NRXN1: variants seen among roughly 807,000 people sequenced by gnomAD.
NRXN1 encodes neurexin-1.
Under a neutral mutation model 150.9 loss-of-function variants are expected in NRXN1, and 39 were observed. That is an observed-to-expected ratio of 0.26 (90% CI 0.20 to 0.34). The LOEUF (loss-of-function observed/expected upper bound fraction) is 0.34, where lower values mean the gene tolerates loss of function less well. Among genes scored for constraint, NRXN1 ranks in the 10% least tolerant of loss-of-function variants. NRXN1 has a pLI of 1.00. For synonymous variants in NRXN1, 924 were observed against 757.0 expected, an observed-to-expected ratio of 1.22 and a Z score of -3.62; for missense variants, 1,815 against 1,949.9, an observed-to-expected ratio of 0.93 and a Z score of 1.30.
chr2:49,988,208 T>C (rs948139249), intron 21 of NRXN1, among the ~76,000 whole-genome samples: 2 of 151,974 alleles, frequency 1.3e-5, no homozygotes, highest in African/African-American at 4.8e-5. Flanking sequence ...TTTCTTTGAC[T>C]CTTTGAAAAT....
intron 5 of NRXN1, among the ~76,000 whole-genome samples, chr2:50,778,877 T>A (rs904232100): frequency 1.3e-5 from 2 of 152,118 alleles, no homozygotes; most frequent in Non-Finnish European, 2.9e-5. Context: ...AATAAAACAT[T>A]TACTATACAT....
At chr2:50,538,114 G>A (rs1573454579) in intron 10 of NRXN1, 139 bp downstream of exon 10, 3 of 899,190 alleles carry the variant, frequency 3.3e-6, no homozygotes, top group East Asian at 2.6e-5. Context: ...ATCCATGTCA[G>A]GTATGGCTGC....
chr2:50,484,426 A>G (rs1253374663), intron 15 of NRXN1, among the ~76,000 whole-genome samples: 1 of 152,180 alleles, frequency 6.6e-6, no homozygotes, highest in African/African-American at 2.4e-5. Flanking sequence ...GGAGAAATGG[A>G]GATACTTAAA....
Position 50,531,285 on chromosome 2 carries a change from A to G in NRXN1, c.2289T>C (p.Ser763=), listed in dbSNP as rs772379511. The G allele has an allele frequency of 1.9e-6, 3 of 1,613,620 alleles. No homozygotes were observed. The highest frequency in any genetic ancestry group is 2.5e-6 in the Non-Finnish European group (3 of 1,179,726). Residue 763 remains serine, a synonymous_variant, in exon 11 of 23, where the codon TCT becomes TCC. Coordinates refer to ENST00000401669, the MANE Select transcript of NRXN1 (RefSeq NM_001330078.2). The part of the protein sequence containing the change: ...GILMATTSRD[S]ADTLRLELDA... Reference sequence around the variant, plus strand: ...CTAGCTCCAGGCGGAGGGTGTCAGCAGAGTCTCTAGAAGTGGTTGCCATCA... The same window carrying G: ...CTAGCTCCAGGCGGAGGGTGTCAGCGGAGTCTCTAGAAGTGGTTGCCATCA...
chr2:50,806,132 G>C (rs770168642), intron 5 of NRXN1, among the ~76,000 whole-genome samples: 1 of 152,106 alleles, frequency 6.6e-6, no homozygotes, highest in Non-Finnish European at 1.5e-5. Flanking sequence ...CACTGTAAAA[G>C]TACACTTTTT....
intron 21 of NRXN1, among the ~76,000 whole-genome samples, chr2:50,024,718 G>A (rs183051896): frequency 4.6e-5 from 7 of 152,046 alleles, no homozygotes; most frequent in Non-Finnish European, 8.8e-5. Context: ...GGATTCAAGC[G>A]ATGCTCCTGC....
At chr2:50,253,313 T>A (rs1047992260) in intron 17 of NRXN1, among the ~76,000 whole-genome samples, 13 of 152,174 alleles carry the variant, frequency 8.5e-5, no homozygotes, top group African/African-American at 3.1e-4. Context: ...GATTTTGGGC[T>A]GAGACATGGG....
At chr2:50,137,575 T>C (rs1356759112) in intron 18 of NRXN1, among the ~76,000 whole-genome samples, 1 of 152,212 alleles carries the variant, frequency 6.6e-6, no homozygotes, top group Non-Finnish European at 1.5e-5. Flanking sequence ...AATTTCTTTC[T>C]AAATCTAGAG....
At chr2:50,845,485 T>C (rs891399236) in intron 5 of NRXN1, among the ~76,000 whole-genome samples, 16 of 152,338 alleles carry the variant, frequency 1.1e-4, no homozygotes, top group Admixed American at 5.2e-4. Context: ...AATCATCCTC[T>C]ATTGAAACGT....
intron 8 of NRXN1, among the ~76,000 whole-genome samples, chr2:50,613,865 G>C (rs1678595329): frequency 6.6e-6 from 1 of 152,168 alleles, no homozygotes; most frequent in Admixed American, 6.5e-5. Flanking sequence ...GTGAACCCAG[G>C]TGGCGGAGCT....
Position 49,979,762 on chromosome 2 carries a change from A to C in NRXN1, c.4129-35971T>G, listed in dbSNP as rs537422674. Among the ~76,000 whole-genome samples, 98 of 152,258 alleles carry C rather than the reference A, an allele frequency of 6.4e-4. 1 individual carries two copies. Among genetic ancestry groups the C allele is most frequent in the South Asian group, 2.3e-3 (11 of 4,826 alleles). On this transcript the variant is annotated intron_variant, in intron 21 of 22. Transcript: ENST00000401669. ...TATTATTTTTCCTTTTTCTCCTTAT[A>C]ATTGAAGCACTACTTTGAGACTATG... is the stretch of plus-strand genomic sequence containing the variant.
intron 5 of NRXN1, among the ~76,000 whole-genome samples, chr2:50,641,662 G>C (rs1305825342): frequency 6.6e-6 from 1 of 152,022 alleles, no homozygotes; most frequent in African/African-American, 2.4e-5. Flanking sequence ...GCATCTCTTA[G>C]GGCAAAGCGG....
rs1559371710 is a variant in NRXN1, at chr2:50,868,169, AT to A, written c.832+53699del. ...TATATATATATATATATATATATATATATATATATATATATATATGCATACA... is the reference window on the plus strand; with the variant it reads ...TATATATATATATATATATATATATAATATATATATATATATATGCATACA... On this transcript the variant is annotated intron_variant, in intron 5 of 22. Coordinates refer to ENST00000401669, the MANE Select transcript of NRXN1 (RefSeq NM_001330078.2). Among the ~76,000 whole-genome samples the A allele has an allele frequency of 8.0e-5, 7 of 87,284 alleles. 1 individual carries two copies. Among genetic ancestry groups the A allele is most frequent in the Non-Finnish European group, 1.8e-4 (7 of 39,240 alleles). The allele number at this position is 87,284 out of a possible 152,430, so 57.3% of individuals were successfully genotyped here. A position where few individuals can be genotyped will look rare whatever the true frequency, so the allele number is the denominator to read the frequency against.
chr2:50,745,583 TAAGC>T (rs1490973717), intron 5 of NRXN1, among the ~76,000 whole-genome samples: 2 of 152,080 alleles, frequency 1.3e-5, no homozygotes, highest in Non-Finnish European at 2.9e-5. Context: ...GATAAAGACA[TAAGC>T]AAGACTGGGT....
intron 5 of NRXN1, among the ~76,000 whole-genome samples, chr2:50,907,583 A>G (rs1401591311): frequency 6.6e-6 from 1 of 152,036 alleles, no homozygotes; most frequent in Non-Finnish European, 1.5e-5. Flanking sequence ...CCCTGGACCC[A>G]ATGTTGTCAC....
intron 5 of NRXN1, among the ~76,000 whole-genome samples, chr2:50,720,138 G>A (rs1309919086): frequency 6.6e-6 from 1 of 151,972 alleles, no homozygotes; most frequent in Non-Finnish European, 1.5e-5. Context: ...TCTGATTTTT[G>A]GATCAGAACA....
At chr2:50,127,682 T>C (rs1704812730) in intron 18 of NRXN1, among the ~76,000 whole-genome samples, 2 of 152,106 alleles carry the variant, frequency 1.3e-5, no homozygotes, top group Admixed American at 1.3e-4. Flanking sequence ...GACCAGGAAG[T>C]CTTGTGGCTA....
intron 8 of NRXN1, among the ~76,000 whole-genome samples, chr2:50,560,697 A>C (rs1668943878): frequency 6.6e-6 from 1 of 152,064 alleles, no homozygotes; most frequent in Admixed American, 6.6e-5. Flanking sequence ...CTCCCAAACT[A>C]ATGCATCTTT....
chr2:50,339,273 A>G (rs1212719355), intron 17 of NRXN1, among the ~76,000 whole-genome samples: 1 of 152,150 alleles, frequency 6.6e-6, no homozygotes, highest in East Asian at 1.9e-4. Context: ...TGCTTTTACC[A>G]ATTTTAATTA....
Sources: gnomAD v4.1 joint callset for allele counts (sites outside exome capture counted in the v4.1 genomes callset) on GRCh38, gnomAD v4.1.1 for gene constraint, MANE v1.5 for transcripts, NCBI Gene and HGNC (gene_info 2026-07-23, HGNC 2026-07-21) for gene names.